The following STPG2 variants were observed in gnomAD, a reference collection of about 807,000 sequenced individuals.
STPG2 encodes the protein sperm-tail PG-rich repeat-containing protein 2.
In STPG2, 56 loss-of-function variants were observed where a neutral mutation model predicts 54.2. The observed-to-expected ratio is 1.03, with a 90% CI of 0.83 to 1.29. The LOEUF (loss-of-function observed/expected upper bound fraction) is 1.29, where lower values mean the gene tolerates loss of function less well. Among genes scored for constraint, STPG2 ranks in the 50% most tolerant of loss-of-function variants. The pLI is 0.00. For synonymous variants in STPG2, 200 were observed against 181.8 expected, an observed-to-expected ratio of 1.10 and a Z score of -0.81; for missense variants, 596 against 544.9, an observed-to-expected ratio of 1.09 and a Z score of -0.93.
intron 9 of STPG2, among the ~76,000 whole-genome samples, chr4:97,818,896 A>T (rs2078596851): frequency 6.7e-6 from 1 of 149,498 alleles, no homozygotes; most frequent in Admixed American, 6.7e-5. Flanking sequence ...TCATTCTCAA[A>T]TTATGTGTAG....
At chr4:97,567,688 T>C (rs978969680) in intron 10 of STPG2, among the ~76,000 whole-genome samples, 1 of 151,884 alleles carries the variant, frequency 6.6e-6, no homozygotes, top group Non-Finnish European at 1.5e-5. Context: ...TTCTATGAAT[T>C]GATATGGAGG....
At chr4:97,932,218 T>G (rs1214464737) in intron 8 of STPG2, among the ~76,000 whole-genome samples, 1 of 152,194 alleles carries the variant, frequency 6.6e-6, no homozygotes, top group Admixed American at 6.5e-5. Context: ...TTTTGAATGT[T>G]TGTTCGTGTC....
intron 10 of STPG2, among the ~76,000 whole-genome samples, chr4:97,589,597 C>A (rs1733086398): frequency 1.3e-5 from 2 of 152,084 alleles, no homozygotes; most frequent in South Asian, 4.1e-4. Flanking sequence ...AATATTTTAG[C>A]CTCTGTAAAT....
chr4:97,905,138 C>A (rs1731354087), intron 8 of STPG2, among the ~76,000 whole-genome samples: 1 of 151,046 alleles, frequency 6.6e-6, no homozygotes. Context: ...AAGAGCAACT[C>A]CAAGACACAT....
At chr4:97,739,579 C>T (rs4699572) in intron 9 of STPG2, among the ~76,000 whole-genome samples, 57,678 of 151,556 alleles carry the variant, frequency 0.38, 10,432 homozygotes, top group Middle Eastern at 0.43. Flanking sequence ...GAGAATACTA[C>T]AAACACCTCT....
chr4:97,904,261 G>A (rs951013599), intron 8 of STPG2, among the ~76,000 whole-genome samples: 16 of 152,210 alleles, frequency 1.1e-4, no homozygotes, highest in African/African-American at 3.9e-4. Context: ...CTGAGAACAG[G>A]CAGACTGCCT....
chr4:97,549,113 A>T (rs1731909180), intron 4 of STPG2, among the ~76,000 whole-genome samples: 1 of 152,204 alleles, frequency 6.6e-6, no homozygotes, highest in Non-Finnish European at 1.5e-5. Flanking sequence ...TGGTGAACAG[A>T]TCAGAGTACC....
At chr4:97,647,523 A>G (rs1721944535) in intron 10 of STPG2, among the ~76,000 whole-genome samples, 1 of 152,108 alleles carries the variant, frequency 6.6e-6, no homozygotes, top group South Asian at 2.1e-4. Context: ...CAGGAGATTC[A>G]GCAGTCCCTG....
chr4:98,072,507 T>C (rs963922729), intron 5 of STPG2, among the ~76,000 whole-genome samples: 10 of 151,634 alleles, frequency 6.6e-5, no homozygotes, highest in African/African-American at 2.4e-4. Context: ...TGTTTACCTA[T>C]GTAACAAACC....
chr4:97,632,285 G>T lies in STPG2; in HGVS notation c.1321-73168C>A, dbSNP rs566674653. 4.8e-3 allele frequency among the ~76,000 whole-genome samples: 681 copies of T among 140,864 alleles called. 3 individuals carry two copies. The highest frequency in any genetic ancestry group is 0.016 in the African/African-American group (624 of 39,086). 92.4% of individuals were successfully genotyped at this position (140,864 alleles called of 152,430 possible). A position where few individuals can be genotyped will look rare whatever the true frequency, so the allele number is the denominator to read the frequency against. ...CACACAAATTTTAACAAGCTTATTG[G>T]TTTTTTTTTTTTTTATTTCTGAGCT... On this transcript the variant is annotated intron_variant, in intron 10 of 10. Transcript: ENST00000295268.
At chr4:97,887,899 T>C (rs895285692) in intron 8 of STPG2, among the ~76,000 whole-genome samples, 2 of 152,102 alleles carry the variant, frequency 1.3e-5, no homozygotes, top group Non-Finnish European at 2.9e-5. Flanking sequence ...GGGAAACTGC[T>C]CCCTGCATCC....
chr4:98,054,716 G>A (rs1737429026), intron 5 of STPG2, among the ~76,000 whole-genome samples: 1 of 151,906 alleles, frequency 6.6e-6, no homozygotes, highest in South Asian at 2.1e-4. Flanking sequence ...AAATAATGAG[G>A]CTTGTGTATA....
chr4:97,443,745 T>C lies in STPG2; in HGVS notation c.463-255912A>G, dbSNP rs191730830. Among the ~76,000 whole-genome samples the C allele has an allele frequency of 5.0e-4, 76 of 152,104 alleles. No individual in the cohort carries two copies. In the East Asian group the frequency reaches 0.013, roughly 26 times the overall value. ...GGAAATCCTCCCTGAAGGAAGAAAA[T>C]ATGAGACAAAACATCAAATTATATC... is the stretch of plus-strand genomic sequence containing the variant. On this transcript the variant is annotated intron_variant, in intron 4 of 4. Coordinates refer to the STPG2 transcript ENST00000522676.
chr4:97,696,415 C>T (rs576161181), intron 10 of STPG2, among the ~76,000 whole-genome samples: 21 of 152,288 alleles, frequency 1.4e-4, no homozygotes, highest in Admixed American at 1.0e-3. Context: ...TGAAACCATA[C>T]AAATTCCAGA....
chr4:97,792,507 C>A lies in STPG2; in HGVS notation c.1204+48266G>T, dbSNP rs1310503738. ...CCACCATCATCTCTCACTGTTATGA[C>A]AATAGCCTATATTAATTGCTTCTAC... On this transcript the variant is annotated intron_variant, in intron 9 of 10. Coordinates refer to ENST00000295268, the MANE Select transcript of STPG2 (RefSeq NM_174952.3). Among the ~76,000 whole-genome samples, 3 of 152,148 alleles carry A rather than the reference C, an allele frequency of 2.0e-5. No individual in the cohort carries two copies. The East Asian group carries it at 5.8e-4, about 29-fold the overall frequency.
At chr4:97,442,930 G>C (rs1285418883) in intron 4 of STPG2, among the ~76,000 whole-genome samples, 1 of 152,068 alleles carries the variant, frequency 6.6e-6, no homozygotes, top group Non-Finnish European at 1.5e-5. Flanking sequence ...TTTCTTAATT[G>C]TAACTATTCA....
intron 8 of STPG2, among the ~76,000 whole-genome samples, chr4:97,861,209 A>T (rs1377929312): frequency 6.6e-6 from 1 of 152,200 alleles, no homozygotes; most frequent in Non-Finnish European, 1.5e-5. Flanking sequence ...TCAGAAGAAG[A>T]CAAACAAATG....
chr4:97,755,839 T>C (rs1489655924), intron 9 of STPG2, among the ~76,000 whole-genome samples: 1 of 152,200 alleles, frequency 6.6e-6, no homozygotes, highest in Non-Finnish European at 1.5e-5. Context: ...TCTTTGGTTT[T>C]GAATTTTAAA....
chr4:97,970,764 T>C (rs977038302), intron 7 of STPG2, among the ~76,000 whole-genome samples: 1 of 152,080 alleles, frequency 6.6e-6, no homozygotes, highest in Non-Finnish European at 1.5e-5. Flanking sequence ...GGACTTCATG[T>C]CTAAAACACC....
Sources: gnomAD v4.1 joint callset for allele counts (sites outside exome capture counted in the v4.1 genomes callset) on GRCh38, gnomAD v4.1.1 for gene constraint, MANE v1.5 for transcripts, NCBI Gene and HGNC (gene_info 2026-07-23, HGNC 2026-07-21) for gene names.